FAM135B: variants seen among roughly 807,000 people sequenced by gnomAD.
The protein encoded by FAM135B is family with sequence similarity 135 member B.
Under a neutral mutation model 127.7 loss-of-function variants are expected in FAM135B, and 43 were observed. That is an observed-to-expected ratio of 0.34 (90% CI 0.26 to 0.43). FAM135B has a LOEUF of 0.43. Ranked by LOEUF, FAM135B falls within the 20% of genes least tolerant of loss-of-function variation. The pLI, the probability that FAM135B is intolerant of heterozygous loss-of-function variation, is 1.00. For missense variants in FAM135B, 1,558 were observed against 1,725.6 expected (o/e 0.90, Z 1.72); for synonymous variants, 670 against 665.1 (o/e 1.01, Z -0.11).
chr8:138,142,288 C>CTTTTTTTTTTTTT (rs71316322), intron 16 of FAM135B, among the ~76,000 whole-genome samples: 8 of 62,364 alleles, frequency 1.3e-4, no homozygotes, highest in Non-Finnish European at 2.2e-4. Flanking sequence ...TCTGCTTCTT[C>CTTTTTTTTTTTTT]TTTTTTTTTT....
At chr8:138,355,556 A>G (rs1232659958) in intron 2 of FAM135B, among the ~76,000 whole-genome samples, 1 of 152,144 alleles carries the variant, frequency 6.6e-6, no homozygotes, top group South Asian at 2.1e-4. Flanking sequence ...CTAAACTTTT[A>G]TTATGGAAAT....
At chr8:138,309,771 G>T (rs576375131) in intron 3 of FAM135B, among the ~76,000 whole-genome samples, 1 of 151,006 alleles carries the variant, frequency 6.6e-6, no homozygotes, top group African/African-American at 2.4e-5. Flanking sequence ...TTGGCTACTC[G>T]TACTTTATAA....
chr8:138,179,803 C>T (rs1426207316), intron 9 of FAM135B, among the ~76,000 whole-genome samples: 1 of 152,140 alleles, frequency 6.6e-6, no homozygotes, highest in African/African-American at 2.4e-5. Context: ...CAGCAATCCT[C>T]CAATCTCAAC....
At chr8:138,188,489 C>T (rs1253925912) in intron 9 of FAM135B, among the ~76,000 whole-genome samples, 2 of 152,184 alleles carry the variant, frequency 1.3e-5, no homozygotes, top group Non-Finnish European at 2.9e-5. Flanking sequence ...AGGAAAGCCT[C>T]CACGCATTTG....
chr8:138,157,138 C>T (rs1218264613), intron 12 of FAM135B, among the ~76,000 whole-genome samples: 1 of 152,164 alleles, frequency 6.6e-6, no homozygotes, highest in African/African-American at 2.4e-5. Context: ...AAGGCTGGTT[C>T]AACATATGCA....
At chr8:138,308,362 T>C (rs1826419984) in intron 3 of FAM135B, among the ~76,000 whole-genome samples, 1 of 152,214 alleles carries the variant, frequency 6.6e-6, no homozygotes, top group Non-Finnish European at 1.5e-5. Flanking sequence ...CAAAACATTA[T>C]AAAAGAATAA....
intron 1 of FAM135B, among the ~76,000 whole-genome samples, chr8:138,389,846 G>A (rs771987196): frequency 1.1e-4 from 16 of 152,154 alleles, no homozygotes; most frequent in Admixed American, 7.9e-4. Flanking sequence ...AAAAGGGGAC[G>A]AAATCAAGTC....
intron 3 of FAM135B, among the ~76,000 whole-genome samples, chr8:138,309,301 A>T (rs755798984): frequency 1.1e-4 from 15 of 135,834 alleles, no homozygotes; most frequent in Non-Finnish European, 2.1e-4. Context: ...TGGATTCTTA[A>T]ATCACTCTGG....
chr8:138,352,123 TG>T (rs1829821781), intron 2 of FAM135B, among the ~76,000 whole-genome samples: 1 of 152,198 alleles, frequency 6.6e-6, no homozygotes, highest in Non-Finnish European at 1.5e-5. Flanking sequence ...TTACAGACAT[TG>T]GGAAACCATT....
chr8:138,152,333 C>T lies in FAM135B; in HGVS notation c.2142G>A (p.Leu714=). The change falls in exon 13 of 20, where the codon TTG becomes TTA. Residue 714 remains leucine, a synonymous_variant. Transcript: ENST00000395297. ...ALELPSDREV[L]HPFVRRHALH... The stretch of plus-strand genomic sequence containing the variant: ...GGGCATGTCTTCGAACAAACGGGTG[C>T]AAGACTTCCCGATCACTGGGCAACT... 1 of 1,614,148 alleles carries T rather than the reference C, an allele frequency of 6.2e-7. No individual in the cohort carries two copies. Among genetic ancestry groups the T allele is most frequent in the Non-Finnish European group, 8.5e-7 (1 of 1,180,036 alleles).
At chr8:138,183,771 A>G (rs1323574047) in intron 9 of FAM135B, among the ~76,000 whole-genome samples, 1 of 152,254 alleles carries the variant, frequency 6.6e-6, no homozygotes, top group Non-Finnish European at 1.5e-5. Flanking sequence ...CTTTCTATCA[A>G]TGAAAAATGA....
intron 4 of FAM135B, among the ~76,000 whole-genome samples, chr8:138,262,903 GAAAAAAA>G (rs71316332): frequency 1.0e-5 from 1 of 95,368 alleles, no homozygotes; most frequent in Non-Finnish European, 1.9e-5. Context: ...CTCTGTCTCA[GAAAAAAA>G]AAAAAAAAAA....
chr8:138,455,677 T>C (rs916295254), intron 1 of FAM135B, among the ~76,000 whole-genome samples: 9 of 152,302 alleles, frequency 5.9e-5, no homozygotes, highest in Middle Eastern at 3.4e-3. Context: ...TGTCTAGCAT[T>C]ATTCTCCTTG....
At chr8:138,281,140 CA>C (rs1389182878) in intron 3 of FAM135B, among the ~76,000 whole-genome samples, 2 of 152,148 alleles carry the variant, frequency 1.3e-5, no homozygotes, top group East Asian at 3.9e-4. Context: ...GCAGATTGCT[CA>C]AGTTGATTAA....
intron 1 of FAM135B, among the ~76,000 whole-genome samples, chr8:138,375,385 TTG>T (rs373922598): frequency 2.0e-5 from 3 of 151,414 alleles, no homozygotes; most frequent in South Asian, 2.1e-4. Context: ...CTCTGTGTGT[TTG>T]TGTGTGTGTG....
At position 138,141,031 on chromosome 8, in the gene FAM135B, C is replaced by T. The variant is rs1817093344; in HGVS notation, c.3790+167G>A. Among the ~76,000 whole-genome samples, 1 of 152,128 alleles carries T rather than the reference C, an allele frequency of 6.6e-6. No homozygotes were observed. The highest frequency in any genetic ancestry group is 1.5e-5 in the Non-Finnish European group (1 of 68,028). ...ACATCTAGTGTCACCTCACTCAGCC[C>T]CCAGACACAAGGGCCACACCTCTAA... On this transcript the variant is annotated intron_variant, in intron 17 of 19. Coordinates refer to ENST00000395297, the MANE Select transcript of FAM135B (RefSeq NM_015912.4). The surrounding 1 kb of genome is among the most constrained non-coding windows in gnomAD (Gnocchi z 4.7).
At chr8:138,342,628 G>A (rs944006612) in intron 2 of FAM135B, among the ~76,000 whole-genome samples, 23 of 152,158 alleles carry the variant, frequency 1.5e-4, no homozygotes, top group Admixed American at 1.5e-3. Context: ...GAAACTTCAC[G>A]TATGGCATAA....
intron 2 of FAM135B, among the ~76,000 whole-genome samples, chr8:138,313,804 A>G (rs1826874059): frequency 7.8e-6 from 1 of 128,744 alleles, no homozygotes; most frequent in Non-Finnish European, 1.7e-5. Flanking sequence ...TGTATTTGGG[A>G]ATTTGTTTAC....
At chr8:138,280,812 C>A (rs1442724209) in intron 3 of FAM135B, among the ~76,000 whole-genome samples, 3 of 152,112 alleles carry the variant, frequency 2.0e-5, no homozygotes, top group African/African-American at 7.2e-5. Flanking sequence ...AGCAGTGTCT[C>A]CCCAAGGGAA....
Sources: allele counts gnomAD v4.1 joint callset (sites outside exome capture counted in the v4.1 genomes callset), GRCh38; gene constraint gnomAD v4.1.1; non-coding constraint Gnocchi (gnomAD v3.1); transcripts MANE v1.5; gene names NCBI Gene and HGNC (gene_info 2026-07-23, HGNC 2026-07-21).